The following POGLUT1 variants were observed in gnomAD, a reference collection of about 807,000 sequenced individuals.
POGLUT1 encodes the protein 9630046K23Rik.
POGLUT1 carries 32 observed loss-of-function variants against 61.3 expected under a neutral mutation model. That is an observed-to-expected ratio of 0.52 (90% CI 0.39 to 0.70). POGLUT1 has a LOEUF of 0.70. POGLUT1 is among the 30% of genes least tolerant of loss of function. POGLUT1 has a pLI of 0.00. For missense variants in POGLUT1, 411 were observed against 469.8 expected (o/e 0.87, Z 1.16); for synonymous variants, 158 against 158.2 (o/e 1.00, Z 0.01).
intron 5 of POGLUT1, among the ~76,000 whole-genome samples, chr3:119,480,487 A>C (rs1234422333): frequency 1.3e-5 from 2 of 152,134 alleles, no homozygotes; most frequent in African/African-American, 4.8e-5. Context: ...ACCTCAGGTG[A>C]TCTGCCCACC....
intron 2 of POGLUT1, among the ~76,000 whole-genome samples, chr3:119,470,430 G>T (rs1391484771): frequency 2.0e-5 from 3 of 152,148 alleles, no homozygotes; most frequent in Non-Finnish European, 4.4e-5. Flanking sequence ...ACAAAAATTA[G>T]CTGGGCATGA....
chr3:119,488,930 A>G lies in POGLUT1; in HGVS notation c.740A>G (p.Asp247Gly). Reference protein sequence around the residue: ...TKNQAWKSMKDTLGKPAAKDV... With the variant: ...TKNQAWKSMKGTLGKPAAKDV... ...TAATAACTTCCTTTCCACTTAAAGG[A>G]TACCTTAGGAAAGCCAGCTGCTAAG... Residue 247 changes from aspartate (D) to glycine (G), a missense_variant and splice_region_variant, in exon 8 of 11, where the codon GAT becomes GGT. Coordinates refer to ENST00000295588, the MANE Select transcript of POGLUT1 (RefSeq NM_152305.3). 6.3e-7 allele frequency: 1 copy of G among 1,576,838 alleles called. No individual in the cohort carries two copies. Among genetic ancestry groups the G allele is most frequent in the South Asian group, 1.1e-5 (1 of 89,750 alleles).
In POGLUT1 at chr3:119,490,551, G is replaced by A. The variant is rs754834771; in HGVS notation, c.798G>A (p.Lys266=). Residue 266 remains lysine, a splice_region_variant and synonymous_variant, in exon 9 of 11, where the codon AAG becomes AAA. Transcript: ENST00000295588. ...DVHLVDHCKY[K]YLFNFRGVAA... is the part of the protein sequence containing the mutation. Reference sequence around the variant, plus strand: ...ATGTATTTTGTTCTTTTTTCCCCAGGTATCTGTTTAATTTTCGAGGCGTAG... The same window carrying A: ...ATGTATTTTGTTCTTTTTTCCCCAGATATCTGTTTAATTTTCGAGGCGTAG... The A allele has an allele frequency of 1.9e-6, 3 of 1,613,666 alleles. No homozygotes were observed. Among genetic ancestry groups the A allele is most frequent in the East Asian group, 2.2e-5 (1 of 44,876 alleles).
intron 5 of POGLUT1, among the ~76,000 whole-genome samples, chr3:119,483,373 A>G (rs2081628566): frequency 6.6e-6 from 1 of 152,228 alleles, no homozygotes; most frequent in African/African-American, 2.4e-5. Context: ...AATATCGTGC[A>G]TGAATGGAAA....
chr3:119,482,271 A>C (rs917732840), intron 5 of POGLUT1, among the ~76,000 whole-genome samples: 3 of 152,222 alleles, frequency 2.0e-5, no homozygotes, highest in Admixed American at 1.3e-4. Context: ...ATATATGCTC[A>C]TAAAATTTTA....
chr3:119,486,573 G>A (rs979995777), intron 6 of POGLUT1, among the ~76,000 whole-genome samples: 9 of 151,996 alleles, frequency 5.9e-5, no homozygotes, highest in African/African-American at 2.2e-4. Context: ...ATAGTGACCT[G>A]AACAACATAC....
At position 119,469,034 on chromosome 3, in the gene POGLUT1, G is replaced by T; in HGVS notation, c.13G>T (p.Ala5Ser). Residue 5 changes from alanine to serine, a missense_variant, in exon 1 of 11, where the codon GCT becomes TCT. By Grantham distance (99) the Ala-to-Ser change is moderately conservative. Transcript: ENST00000295588. Reference sequence around the variant, plus strand: ...AGGTCTGCCGGCGATGGAGTGGTGGGCTAGCTCGCCGCTTCGGCTCTGGCT... The same window carrying T: ...AGGTCTGCCGGCGATGGAGTGGTGGTCTAGCTCGCCGCTTCGGCTCTGGCT... MEWW[A>S]SSPLRLWLLL... 1 of 1,608,654 alleles carries T rather than the reference G, an allele frequency of 6.2e-7. No homozygotes were observed. Among genetic ancestry groups the T allele is most frequent in the Non-Finnish European group, 8.5e-7 (1 of 1,178,782 alleles).
intron 5 of POGLUT1, among the ~76,000 whole-genome samples, chr3:119,481,430 G>A (rs1314704153): frequency 5.3e-5 from 8 of 152,098 alleles, no homozygotes; most frequent in Admixed American, 2.6e-4. Flanking sequence ...GTCATTATAG[G>A]CCTTCTCTCA....
intron 2 of POGLUT1, among the ~76,000 whole-genome samples, chr3:119,470,311 C>T (rs2081455386): frequency 6.6e-6 from 1 of 152,154 alleles, no homozygotes; most frequent in Admixed American, 6.5e-5. Flanking sequence ...CATGGTGGTT[C>T]ATGCCTGTAA....
chr3:119,480,204 C>T, intron 5 of POGLUT1, 32 bp downstream of exon 5: 1 of 1,495,012 alleles, frequency 6.7e-7, no homozygotes, highest in Non-Finnish European at 9.0e-7. Flanking sequence ...TATTTTTTCT[C>T]TTTCTGGGTT....
chr3:119,474,476 CTTTCTCGAA>C (rs2081513117), intron 3 of POGLUT1, among the ~76,000 whole-genome samples: 1 of 152,146 alleles, frequency 6.6e-6, no homozygotes, highest in Non-Finnish European at 1.5e-5. Context: ...CCGCTGACTA[CTTTCTCGAA>C]TTATAGATTA....
chr3:119,491,456 T>C, intron 9 of POGLUT1, 62 bp from the exon 10 acceptor site: 1 of 755,944 alleles, frequency 1.3e-6, no homozygotes, highest in Non-Finnish European at 2.3e-6. Flanking sequence ...TATATCGTCT[T>C]TCTGACTTAG....
At chr3:119,477,244 T>C in intron 3 of POGLUT1, 69 bp from the exon 4 acceptor site, 1 of 1,477,452 alleles carries the variant, frequency 6.8e-7, no homozygotes, top group Non-Finnish European at 9.4e-7. Context: ...AAAATGTGAA[T>C]GGGACCTCGC....
At position 119,470,873 on chromosome 3, in the gene POGLUT1, C is replaced by T. The variant is rs186797205; in HGVS notation, c.177-436C>T. Among the ~76,000 whole-genome samples, 580 of 152,322 alleles carry T rather than the reference C, an allele frequency of 3.8e-3. 1 individual carries two copies. Among genetic ancestry groups the T allele is most frequent in the Non-Finnish European group, 5.9e-3 (403 of 68,026 alleles). ...AGTGTAATTTTGGTTACTGCTGTCA[C>T]GCTACCAGAGTAAGGGCTTGTGGGG... On this transcript the variant is annotated intron_variant, in intron 2 of 10. Coordinates refer to ENST00000295588, the MANE Select transcript of POGLUT1 (RefSeq NM_152305.3).
At position 119,494,008 on chromosome 3, in the gene POGLUT1, TTTAGA is replaced by T. The variant is rs1195747111; in HGVS notation, c.*1575_*1579del. ...AAAATAGGAACAAAATTTGCTATCCTTTAGATTAGGAGCTGAAGATTCATTTCCCT... is the reference window on the plus strand; with the variant it reads ...AAAATAGGAACAAAATTTGCTATCCTTTAGGAGCTGAAGATTCATTTCCCT... On this transcript the variant is annotated 3_prime_UTR_variant, in exon 11 of 11. Transcript: ENST00000295588. 6.6e-6 allele frequency: 1 copy of T among 152,138 alleles called. No homozygotes were observed. Among genetic ancestry groups the T allele is most frequent in the African/African-American group, 2.4e-5 (1 of 41,418 alleles). The allele number at this position is 152,138 out of a possible 1,614,324, so 9.4% of individuals were successfully genotyped here.
chr3:119,475,893 G>A (rs2081530185), intron 3 of POGLUT1, among the ~76,000 whole-genome samples: 1 of 151,430 alleles, frequency 6.6e-6, no homozygotes, highest in Admixed American at 6.6e-5. Flanking sequence ...GGCTGAGGTG[G>A]GAGGATCACT....
At chr3:119,486,143 T>C (rs2081661270) in intron 6 of POGLUT1, among the ~76,000 whole-genome samples, 1 of 152,216 alleles carries the variant, frequency 6.6e-6, no homozygotes, top group Non-Finnish European at 1.5e-5. Context: ...CCAACTTCTC[T>C]GATTCTTAAA....
chr3:119,480,233 G>T, intron 5 of POGLUT1, 61 bp downstream of exon 5: 1 of 1,293,084 alleles, frequency 7.7e-7, no homozygotes, highest in Non-Finnish European at 1.1e-6. Flanking sequence ...ATAAGCCATA[G>T]AATATAACCA....
At chr3:119,488,840 G>A (rs1163024990) in intron 7 of POGLUT1, 89 bp from the exon 8 acceptor site, 2 of 688,764 alleles carry the variant, frequency 2.9e-6, no homozygotes, top group Non-Finnish European at 5.4e-6. Context: ...ATGAGGTAAT[G>A]TTGATGAAAT....
Sources: gnomAD v4.1 joint callset for allele counts (sites outside exome capture counted in the v4.1 genomes callset) on GRCh38, gnomAD v4.1.1 for gene constraint, MANE v1.5 for transcripts, NCBI Gene and HGNC (gene_info 2026-07-23, HGNC 2026-07-21) for gene names.